The following HIBCH variants were observed in gnomAD, a reference collection of about 807,000 sequenced individuals.
HIBCH encodes 3-hydroxyisobutyryl-CoA hydrolase.
HIBCH carries 50 observed loss-of-function variants against 58.2 expected under a neutral mutation model. The ratio of observed to expected loss-of-function variants is 0.86; its 90% CI spans 0.68 to 1.09. The LOEUF is 1.09. Among genes scored for constraint, HIBCH ranks in the 50% least tolerant of loss-of-function variants. HIBCH has a pLI of 0.00. For missense variants in HIBCH, 450 were observed against 449.7 expected (o/e 1.00, Z -0.01); for synonymous variants, 151 against 146.9 (o/e 1.03, Z -0.20).
intron 11 of HIBCH, chr2:190,213,385 A>G: frequency 2.8e-6 from 1 of 351,242 alleles, no homozygotes. Context: ...AAATCAATAC[A>G]CACCTTACAA....
rs1690431443 is a variant in HIBCH at position 190,207,946 on chromosome 2, T to A, written c.1045+934A>T. Among the ~76,000 whole-genome samples, 1 of 151,918 alleles carries A rather than the reference T, an allele frequency of 6.6e-6. No individual in the cohort carries two copies. The highest frequency in any genetic ancestry group is 1.9e-4 in the East Asian group (1 of 5,182). On this transcript the variant is annotated intron_variant, in intron 13 of 13. Transcript: ENST00000359678. The surrounding 1 kb of genome is among the most constrained non-coding windows in gnomAD (Gnocchi z 4.5). ...AGAGTCTGCACTATAGTAAAATAAT[T>A]AATAAAAACAGGAACATTAGATATG... is the stretch of plus-strand genomic sequence containing the variant.
rs958624850 is a variant in HIBCH, at chr2:190,204,281, A to C, written c.*836T>G. On this transcript the variant is annotated 3_prime_UTR_variant, in exon 14 of 14. Coordinates refer to ENST00000359678, the MANE Select transcript of HIBCH (RefSeq NM_014362.4). ...TGTTTGTAAGGATAATTATCACACA[A>C]AAGTCTTACGTAAATTATAAAAAAA... 1.2e-4 allele frequency: 19 copies of C among 152,106 alleles called. No homozygotes were observed. The highest frequency in any genetic ancestry group is 3.6e-4 in the African/African-American group (15 of 41,454). 9.4% of individuals were successfully genotyped at this position (152,106 alleles called of 1,614,324 possible). A position where few individuals can be genotyped will look rare whatever the true frequency, so the allele number is the denominator to read the frequency against.
chr2:190,225,688 G>A (rs1685870088), intron 11 of HIBCH, among the ~76,000 whole-genome samples: 1 of 152,118 alleles, frequency 6.6e-6, no homozygotes, highest in African/African-American at 2.4e-5. Flanking sequence ...TTCTACCAGA[G>A]GTACAAAGAG....
At chr2:190,237,700 C>T (rs891177933) in intron 11 of HIBCH, among the ~76,000 whole-genome samples, 1 of 151,854 alleles carries the variant, frequency 6.6e-6, no homozygotes, top group African/African-American at 2.4e-5. Context: ...GTGTGCAGAA[C>T]GTGCAGGTTT....
intron 6 of HIBCH, among the ~76,000 whole-genome samples, chr2:190,277,031 C>T (rs1167916498): frequency 6.6e-6 from 1 of 151,794 alleles, no homozygotes; most frequent in Non-Finnish European, 1.5e-5. Context: ...TTTTGACGTC[C>T]CCTCATATTA....
chr2:190,241,973 G>A (rs192174946), intron 11 of HIBCH, among the ~76,000 whole-genome samples: 21 of 152,154 alleles, frequency 1.4e-4, no homozygotes, highest in Admixed American at 4.6e-4. Context: ...GCATCTTCGC[G>A]GCGTTCTCTG....
At position 190,315,041 on chromosome 2, in the gene HIBCH, G is replaced by A. The variant is rs564548154; in HGVS notation, c.36-4245C>T. 2.0e-5 allele frequency among the ~76,000 whole-genome samples: 3 copies of A among 151,592 alleles called. No homozygotes were observed. Among genetic ancestry groups the A allele is most frequent in the African/African-American group, 4.8e-5 (2 of 41,332 alleles). ...CGGCTCACTGCAGGCTCTGCCTTCC[G>A]GGTTCACGCCATTCTCCTGCCTCAG... On this transcript the variant is annotated intron_variant, in intron 1 of 13. Coordinates refer to ENST00000359678, the MANE Select transcript of HIBCH (RefSeq NM_014362.4). The surrounding 1 kb of genome is among the most constrained non-coding windows in gnomAD (Gnocchi z 5.4).
chr2:190,201,159 AAC>A (rs1231589914), downstream of HIBCH: 23 of 167,172 alleles, frequency 1.4e-4, no homozygotes, highest in African/African-American at 5.5e-4. Context: ...TTTTAGTGGT[AAC>A]ACAAGCCTAT....
chr2:190,296,726 T>G, intron 3 of HIBCH, 87 bp downstream of exon 3: 1 of 1,233,610 alleles, frequency 8.1e-7, no homozygotes, highest in Non-Finnish European at 1.2e-6. Context: ...GAGAATTATG[T>G]GATTCTATGG....
chr2:190,229,617 G>A (rs1559022325), intron 11 of HIBCH, among the ~76,000 whole-genome samples: 1 of 152,186 alleles, frequency 6.6e-6, no homozygotes, highest in Non-Finnish European at 1.5e-5. Flanking sequence ...AGGTCAGAGG[G>A]GAGGATAAAG....
rs760411672 is a variant in HIBCH at position 190,281,333 on chromosome 2, G to C, written c.438+6253C>G. Among the ~76,000 whole-genome samples the C allele has an allele frequency of 6.6e-6, 1 of 152,132 alleles. No homozygotes were observed. Among genetic ancestry groups the C allele is most frequent in the Non-Finnish European group, 1.5e-5 (1 of 68,038 alleles). On this transcript the variant is annotated intron_variant, in intron 6 of 13. Transcript: ENST00000359678. The surrounding 1 kb of genome is among the most constrained non-coding windows in gnomAD (Gnocchi z 5.4). ...CAAGGCTTATGGCTTATATCTTCTG[G>C]AGCTGCAGGTCAAGCTGTACCTGGG...
At position 190,302,410 on chromosome 2, in the gene HIBCH, C is replaced by T. The variant is rs188032913; in HGVS notation, c.79-5457G>A. Among the ~76,000 whole-genome samples, 21 of 152,212 alleles carry T rather than the reference C, an allele frequency of 1.4e-4. No homozygotes were observed. The East Asian group carries it at 3.9e-3, about 28-fold the overall frequency. On this transcript the variant is annotated intron_variant, in intron 2 of 13. Coordinates refer to ENST00000359678, the MANE Select transcript of HIBCH (RefSeq NM_014362.4). ...TTAACAAGTAGTATCACAATTAGGCCCTATACATCAAAAGATGAAGCAGAG... is the reference window on the plus strand; with the variant it reads ...TTAACAAGTAGTATCACAATTAGGCTCTATACATCAAAAGATGAAGCAGAG...
intron 11 of HIBCH, among the ~76,000 whole-genome samples, chr2:190,224,971 C>T (rs554662497): frequency 1.3e-5 from 2 of 152,340 alleles, no homozygotes; most frequent in African/African-American, 4.8e-5. Context: ...GAAACTCACT[C>T]AAAATCGCTC....
At position 190,232,512 on chromosome 2, in the gene HIBCH, ACTCTTAGG is replaced by A. The variant is rs1354731493; in HGVS notation, c.891+12367_891+12374del. On this transcript the variant is annotated intron_variant, in intron 11 of 13. Coordinates refer to ENST00000359678, the MANE Select transcript of HIBCH (RefSeq NM_014362.4). ...AGGTGCAAGTACCCACTGGAAGAGG[ACTCTTAGG>A]CGCTTACACCTGGTTTCCTCCAGAT... 2.6e-5 allele frequency among the ~76,000 whole-genome samples: 4 copies of A among 152,026 alleles called. No homozygotes were observed. In the East Asian group the frequency reaches 7.7e-4, roughly 29 times the overall value.
chr2:190,319,016 T>TTTC (rs1448147125), intron 1 of HIBCH, among the ~76,000 whole-genome samples: 14 of 152,168 alleles, frequency 9.2e-5, no homozygotes, highest in Admixed American at 8.5e-4. Flanking sequence ...GTCGTCCTTA[T>TTTC]TTTAAAGAAA....
chr2:190,262,173 A>AAAAAG (rs1264881147), intron 6 of HIBCH, among the ~76,000 whole-genome samples: 94 of 151,018 alleles, frequency 6.2e-4, no homozygotes, highest in Middle Eastern at 6.8e-3. Context: ...CAAAAAAAAA[A>AAAAAG]AAAAGAAAAG....
At position 190,197,938 on chromosome 2, in the gene HIBCH, C is replaced by T. The variant is rs1690055707; in HGVS notation, c.*17+7162G>A. Among the ~76,000 whole-genome samples, 1 of 152,100 alleles carries T rather than the reference C, an allele frequency of 6.6e-6. No homozygotes were observed. On this transcript the variant is annotated intron_variant, in intron 1 of 1. Coordinates refer to the HIBCH transcript ENST00000399855. This position sits in a 1 kb window ranked among gnomAD's most constrained non-coding sequence, Gnocchi z 4.0. ...TCCAAGTAATTTTTTTCAGGTTAAC[C>T]ATGTCCAATTCCCTTAACCATCCCT...
chr2:190,263,577 C>A (rs147684377), intron 6 of HIBCH, among the ~76,000 whole-genome samples: 1 of 152,256 alleles, frequency 6.6e-6, no homozygotes, highest in African/African-American at 2.4e-5. Context: ...TTTTAAGCAC[C>A]ACCTAAAACA....
intron 11 of HIBCH, among the ~76,000 whole-genome samples, chr2:190,221,762 C>T (rs773369504): frequency 5.3e-5 from 8 of 152,088 alleles, no homozygotes; most frequent in African/African-American, 1.2e-4. Context: ...ACGGAGACTA[C>T]GGTTGGACAT....
Sources: gnomAD v4.1 joint callset for allele counts (sites outside exome capture counted in the v4.1 genomes callset) on GRCh38, gnomAD v4.1.1 for gene constraint, Gnocchi (gnomAD v3.1) non-coding constraint, MANE v1.5 for transcripts, NCBI Gene and HGNC (gene_info 2026-07-23, HGNC 2026-07-21) for gene names.